Variants in FAAH2 observed in about 807,000 individuals in gnomAD.
FAAH2 encodes fatty-acid amide hydrolase 2.
Under a neutral mutation model 36.9 loss-of-function variants are expected in FAAH2, and 60 were observed. The observed-to-expected ratio is 1.63, with a 90% CI of 1.32 to 2.02. The LOEUF (loss-of-function observed/expected upper bound fraction) is 2.02, where lower values mean the gene tolerates loss of function less well. Ranked by LOEUF, FAAH2 falls within the 30% of genes most tolerant of loss-of-function variation. FAAH2 has a pLI of 0.00. For synonymous variants in FAAH2, 214 were observed against 143.8 expected, an observed-to-expected ratio of 1.49 and a Z score of -3.49; for missense variants, 689 against 397.5, an observed-to-expected ratio of 1.73 and a Z score of -6.23.
chrX:57,426,956 G>A (rs1010969542), intron 7 of FAAH2, among the ~76,000 whole-genome samples: 143 of 110,554 alleles, frequency 1.3e-3, no homozygotes, highest in African/African-American at 4.6e-3. Flanking sequence ...ATGAAATGAA[G>A]TTTATTTAAA....
At chrX:57,327,336 A>G (rs1414886315) in intron 3 of FAAH2, among the ~76,000 whole-genome samples, 1 of 107,662 alleles carries the variant, frequency 9.3e-6, no homozygotes, top group Non-Finnish European at 1.9e-5. Flanking sequence ...GCTCTTCTTG[A>G]GGGTTATTTT....
chrX:57,417,805 T>G (rs1159039934), intron 7 of FAAH2, among the ~76,000 whole-genome samples: 1 of 111,939 alleles, frequency 8.9e-6, no homozygotes, highest in Admixed American at 9.5e-5. Context: ...GCAGGAACTT[T>G]TAAGTCTGCT....
chrX:57,440,979 T>A (rs1193155274), intron 8 of FAAH2, among the ~76,000 whole-genome samples: 1 of 111,889 alleles, frequency 8.9e-6, no homozygotes, highest in Non-Finnish European at 1.9e-5. Context: ...ATAAGCTTTT[T>A]GATGTGCTCC....
At chrX:57,455,841 C>A (rs1270816189) in intron 10 of FAAH2, among the ~76,000 whole-genome samples, 1 of 111,773 alleles carries the variant, frequency 8.9e-6, no homozygotes, top group Non-Finnish European at 1.9e-5. Flanking sequence ...TTTAGACAGC[C>A]ACAAATAATA....
rs755538765 is a variant in FAAH2 at position 57,402,858 on chromosome X, G to A, written c.996+21829G>A. 2.7e-5 allele frequency among the ~76,000 whole-genome samples: 3 copies of A among 112,008 alleles called. No homozygotes were observed. The Admixed American group carries it at 2.8e-4, about 11-fold the overall frequency. ...GCCTGGTGGCAGAATTGTTCTGTGG[G>A]GAACTATTCTCTTTCCTCTGTTGTC... On this transcript the variant is annotated intron_variant, in intron 7 of 10. Coordinates refer to ENST00000374900, the MANE Select transcript of FAAH2 (RefSeq NM_174912.4).
At chrX:57,136,244 G>T in the FAAH2 span, 1 of 1,206,247 alleles carries the variant, frequency 8.3e-7, no homozygotes, top group South Asian at 1.8e-5. Context: ...CATCACTAAT[G>T]TGAGATGATG....
At chrX:57,270,163 C>A in the FAAH2 span, among the ~76,000 whole-genome samples, 3 of 111,266 alleles carry the variant, frequency 2.7e-5, no homozygotes, top group South Asian at 1.1e-3. Context: ...CAAGACTGAG[C>A]CAGGAAGAAA....
At chrX:57,227,480 A>T in the FAAH2 span, among the ~76,000 whole-genome samples, 1 of 111,201 alleles carries the variant, frequency 9.0e-6, no homozygotes, top group Non-Finnish European at 1.9e-5. Context: ...GGTTATCTGC[A>T]CAGAGTCCTG....
chrX:57,193,282 A>G, the FAAH2 span, among the ~76,000 whole-genome samples: 1 of 111,853 alleles, frequency 8.9e-6, no homozygotes, highest in African/African-American at 3.2e-5. Context: ...TAGTGCTCCC[A>G]GACTTATTAG....
At chrX:57,396,643 G>C (rs2055307031) in intron 7 of FAAH2, among the ~76,000 whole-genome samples, 1 of 111,476 alleles carries the variant, frequency 9.0e-6, no homozygotes, top group Non-Finnish European at 1.9e-5. Flanking sequence ...GTGTTGTTTT[G>C]AGAGTTCCTC....
chrX:57,147,902 T>G, the FAAH2 span, among the ~76,000 whole-genome samples: 1 of 112,073 alleles, frequency 8.9e-6, no homozygotes, highest in African/African-American at 3.2e-5. Context: ...CTAGTTTTAT[T>G]CCACTCTAGT....
Position 57,418,277 on chromosome X carries a change from G to C in FAAH2, c.997-13641G>C, listed in dbSNP as rs1019027129. ...AGTGTTCCAGGCGCCACCGGGCTTT[G>C]AGAAAAAACTCCTGCAGCTAGCTCA... On this transcript the variant is annotated intron_variant, in intron 7 of 10. Coordinates refer to ENST00000374900, the MANE Select transcript of FAAH2 (RefSeq NM_174912.4). Among the ~76,000 whole-genome samples, 3 of 111,702 alleles carry C rather than the reference G, an allele frequency of 2.7e-5. No homozygotes were observed. The Admixed American group carries it at 2.8e-4, about 11-fold the overall frequency.
chrX:57,251,082 C>A, the FAAH2 span, among the ~76,000 whole-genome samples: 4 of 111,499 alleles, frequency 3.6e-5, no homozygotes, highest in Admixed American at 2.9e-4. Flanking sequence ...CCCTGATGAA[C>A]AAAACACAAA....
the FAAH2 span, among the ~76,000 whole-genome samples, chrX:57,214,731 T>G: frequency 1.8e-5 from 2 of 111,789 alleles, no homozygotes; most frequent in South Asian, 7.4e-4. Context: ...CTATCCCTAT[T>G]ATGACTTTAC....
At chrX:57,295,104 G>A (rs2052096299) in intron 2 of FAAH2, among the ~76,000 whole-genome samples, 1 of 111,786 alleles carries the variant, frequency 8.9e-6, no homozygotes, top group South Asian at 3.8e-4. Context: ...TGAAGAGGGT[G>A]TTGCCTGGCT....
At chrX:57,398,853 G>A (rs547087663) in intron 7 of FAAH2, among the ~76,000 whole-genome samples, 5 of 111,444 alleles carry the variant, frequency 4.5e-5, no homozygotes, top group African/African-American at 1.3e-4. Flanking sequence ...ATTCTTATTC[G>A]GCCTAGGAAA....
chrX:57,322,975 C>T (rs1257616165), intron 3 of FAAH2, among the ~76,000 whole-genome samples: 1 of 110,572 alleles, frequency 9.0e-6, no homozygotes, highest in Non-Finnish European at 1.9e-5. Flanking sequence ...TAATGCTATC[C>T]TTCCCCACTT....
chrX:57,157,329 A>G, the FAAH2 span, among the ~76,000 whole-genome samples: 1 of 111,363 alleles, frequency 9.0e-6, no homozygotes, highest in Non-Finnish European at 1.9e-5. Flanking sequence ...CCTGGTTACC[A>G]CTCAAATTTT....
intron 10 of FAAH2, among the ~76,000 whole-genome samples, chrX:57,485,753 A>C (rs925290642): frequency 3.6e-5 from 4 of 111,916 alleles, no homozygotes; most frequent in Non-Finnish European, 5.6e-5. Flanking sequence ...GTCCATAATT[A>C]GAGGTTTATT....
Sources: gnomAD v4.1 joint callset for allele counts (sites outside exome capture counted in the v4.1 genomes callset) on GRCh38, gnomAD v4.1.1 for gene constraint, MANE v1.5 for transcripts, NCBI Gene and HGNC (gene_info 2026-07-23, HGNC 2026-07-21) for gene names.